SLC24A2: variants seen among roughly 807,000 people sequenced by gnomAD.
SLC24A2 encodes sodium/potassium/calcium exchanger 2.
Under a neutral mutation model 62.0 loss-of-function variants are expected in SLC24A2, and 36 were observed. The observed-to-expected ratio is 0.58, with a 90% confidence interval of 0.44 to 0.77. The LOEUF (loss-of-function observed/expected upper bound fraction) is 0.77, where lower values mean the gene tolerates loss of function less well. Among genes scored for constraint, SLC24A2 ranks in the 30% least tolerant of loss-of-function variants. The pLI, the probability that SLC24A2 is intolerant of heterozygous loss-of-function variation, is 0.00. For missense variants in SLC24A2, 846 were observed against 817.9 expected, an observed-to-expected ratio of 1.03 and a Z score of -0.42; for synonymous variants, 358 against 294.0, an observed-to-expected ratio of 1.22 and a Z score of -2.23.
chr9:19,604,177 A>G (rs765236711), intron 4 of SLC24A2, among the ~76,000 whole-genome samples: 2 of 152,206 alleles, frequency 1.3e-5, no homozygotes, highest in African/African-American at 2.4e-5. Flanking sequence ...ACTGACACCT[A>G]TGATTCTTCC....
At chr9:20,230,242 T>C in the SLC24A2 span, among the ~76,000 whole-genome samples, 2 of 152,192 alleles carry the variant, frequency 1.3e-5, no homozygotes, top group Non-Finnish European at 2.9e-5. Flanking sequence ...CCTTTGGGTA[T>C]ATACCCAGTA....
the SLC24A2 span, among the ~76,000 whole-genome samples, chr9:20,198,158 C>A: frequency 6.6e-6 from 1 of 152,214 alleles, no homozygotes; most frequent in Non-Finnish European, 1.5e-5. Flanking sequence ...GAGCACACAG[C>A]TGCAGATGAT....
At chr9:20,190,462 GA>G in the SLC24A2 span, among the ~76,000 whole-genome samples, 9 of 152,300 alleles carry the variant, frequency 5.9e-5, no homozygotes, top group East Asian at 1.7e-3. Flanking sequence ...AAGCTGGTAA[GA>G]AGCGATGTAA....
intron 2 of SLC24A2, among the ~76,000 whole-genome samples, chr9:19,740,766 G>C (rs1031022338): frequency 1.3e-5 from 2 of 151,972 alleles, no homozygotes; most frequent in Non-Finnish European, 2.9e-5. Flanking sequence ...ACATGGAGTG[G>C]CCAAATGCTT....
the SLC24A2 span, among the ~76,000 whole-genome samples, chr9:20,266,427 A>G: frequency 6.6e-6 from 1 of 152,182 alleles, no homozygotes; most frequent in Non-Finnish European, 1.5e-5. Context: ...GGTGTTCCCT[A>G]TAGCTCAAGA....
At chr9:20,023,563 C>A in the SLC24A2 span, among the ~76,000 whole-genome samples, 2 of 152,046 alleles carry the variant, frequency 1.3e-5, no homozygotes, top group East Asian at 3.9e-4. Context: ...CAGAAAGCCC[C>A]CCCACCTATA....
chr9:19,517,396 G>A (rs1832983920), intron 10 of SLC24A2, among the ~76,000 whole-genome samples: 1 of 152,216 alleles, frequency 6.6e-6, no homozygotes, highest in Non-Finnish European at 1.5e-5. Flanking sequence ...GTGGGAAGAG[G>A]AGGTACTCTT....
At chr9:20,011,529 A>G in the SLC24A2 span, among the ~76,000 whole-genome samples, 3 of 152,212 alleles carry the variant, frequency 2.0e-5, no homozygotes, top group Non-Finnish European at 4.4e-5. Flanking sequence ...GATAAAGAAG[A>G]ATGAAAAAGA....
chr9:19,982,974 A>G, the SLC24A2 span, among the ~76,000 whole-genome samples: 1 of 152,200 alleles, frequency 6.6e-6, no homozygotes, highest in Non-Finnish European at 1.5e-5. Context: ...TTTCATGAAA[A>G]AACACTCAGA....
the SLC24A2 span, among the ~76,000 whole-genome samples, chr9:20,105,612 G>A: frequency 6.6e-6 from 1 of 152,000 alleles, no homozygotes; most frequent in African/African-American, 2.4e-5. Context: ...GGTACATAAT[G>A]AAATGAAGGC....
chr9:19,984,859 T>A, the SLC24A2 span, among the ~76,000 whole-genome samples: 5 of 152,176 alleles, frequency 3.3e-5, no homozygotes, highest in African/African-American at 1.2e-4. Flanking sequence ...GACCCCTACC[T>A]CACACCCTCC....
the SLC24A2 span, among the ~76,000 whole-genome samples, chr9:20,124,337 T>A: frequency 1.3e-5 from 2 of 151,454 alleles, no homozygotes; most frequent in Non-Finnish European, 2.9e-5. Context: ...TTCTGTACCA[T>A]AAACCTGTAG....
intron 5 of SLC24A2, among the ~76,000 whole-genome samples, chr9:19,583,121 T>C (rs1343815618): frequency 1.3e-5 from 2 of 152,182 alleles, no homozygotes; most frequent in African/African-American, 4.8e-5. Flanking sequence ...ACTGATTCTG[T>C]GCAGTGAAAC....
At chr9:20,254,816 G>T in the SLC24A2 span, among the ~76,000 whole-genome samples, 1 of 152,174 alleles carries the variant, frequency 6.6e-6, no homozygotes, top group Non-Finnish European at 1.5e-5. Flanking sequence ...AGGTTTAACT[G>T]ACGCACAATT....
chr9:19,722,979 A>C (rs1472188858), intron 2 of SLC24A2, among the ~76,000 whole-genome samples: 2 of 152,144 alleles, frequency 1.3e-5, no homozygotes, highest in Admixed American at 1.3e-4. Flanking sequence ...GAAAGTAATG[A>C]AATTCTTTCT....
At chr9:19,798,145 T>C in the SLC24A2 span, among the ~76,000 whole-genome samples, 1 of 152,212 alleles carries the variant, frequency 6.6e-6, no homozygotes, top group Non-Finnish European at 1.5e-5. Context: ...TTTTAGTTGC[T>C]TGAAGTATGT....
the SLC24A2 span, among the ~76,000 whole-genome samples, chr9:19,958,670 C>T: frequency 4.6e-5 from 7 of 152,180 alleles, no homozygotes; most frequent in African/African-American, 1.4e-4. Context: ...CAAATACCTG[C>T]TCTGTCTATT....
chr9:19,965,519 T>A, the SLC24A2 span, among the ~76,000 whole-genome samples: 2 of 152,178 alleles, frequency 1.3e-5, no homozygotes, highest in Admixed American at 6.5e-5. Context: ...ATGCGTGGTG[T>A]GTGTGATGCG....
chr9:20,073,257 T>A, the SLC24A2 span, among the ~76,000 whole-genome samples: 1 of 152,168 alleles, frequency 6.6e-6, no homozygotes, highest in African/African-American at 2.4e-5. Context: ...CTTCAAGCTG[T>A]AGAAGTTATG....
Sources: gnomAD v4.1 joint callset for allele counts (sites outside exome capture counted in the v4.1 genomes callset) on GRCh38, gnomAD v4.1.1 for gene constraint, MANE v1.5 for transcripts, NCBI Gene and HGNC (gene_info 2026-07-23, HGNC 2026-07-21) for gene names.